The following SNX29 variants were observed in gnomAD, a reference collection of about 807,000 sequenced individuals.
The protein encoded by SNX29 is sorting nexin-29.
A neutral mutation model predicts 102.1 loss-of-function variants in SNX29; 78 were observed. The ratio of observed to expected loss-of-function variants is 0.76; its 90% CI spans 0.64 to 0.92. The LOEUF is 0.92. Among genes scored for constraint, SNX29 ranks in the 40% least tolerant of loss-of-function variants. The pLI is 0.00. For missense variants in SNX29, 1,280 were observed against 1,061.7 expected, an observed-to-expected ratio of 1.21 and a Z score of -2.86; for synonymous variants, 580 against 414.5, an observed-to-expected ratio of 1.40 and a Z score of -4.85.
At chr16:12,180,323 C>G (rs1246302744) in intron 13 of SNX29, among the ~76,000 whole-genome samples, 5 of 152,044 alleles carry the variant, frequency 3.3e-5, no homozygotes, top group African/African-American at 1.2e-4. Flanking sequence ...GTACGTTGTT[C>G]TTTTATGTCA....
intron 13 of SNX29, among the ~76,000 whole-genome samples, chr16:12,181,541 C>G (rs1162770486): frequency 6.6e-6 from 1 of 152,186 alleles, no homozygotes; most frequent in East Asian, 1.9e-4. Flanking sequence ...CAGGTTTGCC[C>G]TAAGCAGTTC....
At chr16:12,293,853 A>G (rs1021474428) in intron 15 of SNX29, among the ~76,000 whole-genome samples, 5 of 152,196 alleles carry the variant, frequency 3.3e-5, no homozygotes, top group African/African-American at 9.6e-5. Flanking sequence ...GCTTGCATTC[A>G]TTCAGTGCTT....
At chr16:12,223,202 C>G (rs2077523397) in intron 14 of SNX29, among the ~76,000 whole-genome samples, 1 of 152,132 alleles carries the variant, frequency 6.6e-6, no homozygotes, top group Non-Finnish European at 1.5e-5. Context: ...CTCCCTGGGC[C>G]TCAGTTTACT....
chr16:12,346,733 C>G (rs913352349), intron 15 of SNX29, among the ~76,000 whole-genome samples: 4 of 152,188 alleles, frequency 2.6e-5, no homozygotes, highest in African/African-American at 7.2e-5. Flanking sequence ...TCACCAACCA[C>G]CAGGAAGGTG....
intron 18 of SNX29, among the ~76,000 whole-genome samples, chr16:12,469,696 T>C (rs2087242610): frequency 6.6e-6 from 1 of 152,164 alleles, no homozygotes; most frequent in African/African-American, 2.4e-5. Context: ...TTGCTCCAGG[T>C]TTGTTTTAAG....
intron 20 of SNX29, among the ~76,000 whole-genome samples, chr16:12,525,353 G>A (rs2076750718): frequency 6.6e-6 from 1 of 151,834 alleles, no homozygotes; most frequent in Non-Finnish European, 1.5e-5. Context: ...AATTAAAAGA[G>A]TTTACATATT....
chr16:12,194,622 G>GTTT (rs34250906), intron 13 of SNX29, among the ~76,000 whole-genome samples: 1 of 129,160 alleles, frequency 7.7e-6, no homozygotes. Flanking sequence ...GGGGTGGGTA[G>GTTT]TTTTTTTTTT....
Position 12,541,647 on chromosome 16 carries a change from C to T in SNX29, c.2318+16806C>T, listed in dbSNP as rs543754421. Among the ~76,000 whole-genome samples the T allele has an allele frequency of 1.3e-4, 20 of 152,294 alleles. No individual in the cohort carries two copies. The South Asian group carries it at 4.1e-3, about 32-fold the overall frequency. The stretch of plus-strand genomic sequence containing the variant: ...CGGGGTCCATCGCATCTTCGTTCAG[C>T]CAGCTCCTAATGCAGCCGTGCTGAC... On this transcript the variant is annotated intron_variant, in intron 20 of 20. Transcript: ENST00000566228.
At chr16:12,131,755 A>G (rs932943026) in intron 13 of SNX29, among the ~76,000 whole-genome samples, 1 of 152,200 alleles carries the variant, frequency 6.6e-6, no homozygotes, top group South Asian at 2.1e-4. Context: ...TAGCAGCAGC[A>G]TTTACCTCTC....
At chr16:12,161,970 C>A (rs1015771497) in intron 13 of SNX29, among the ~76,000 whole-genome samples, 1 of 152,176 alleles carries the variant, frequency 6.6e-6, no homozygotes, top group Non-Finnish European at 1.5e-5. Flanking sequence ...TGGACTAATA[C>A]AGTCTTTCCA....
intron 11 of SNX29, among the ~76,000 whole-genome samples, chr16:12,123,953 C>T (rs1299392776): frequency 1.3e-5 from 2 of 152,134 alleles, no homozygotes; most frequent in African/African-American, 2.4e-5. Context: ...GTTGGTGATA[C>T]CAGCAACCTT....
At chr16:12,148,010 G>A (rs78415362) in intron 13 of SNX29, among the ~76,000 whole-genome samples, 17 of 152,200 alleles carry the variant, frequency 1.1e-4, no homozygotes, top group Non-Finnish European at 2.4e-4. Context: ...GAGCAAACCA[G>A]AGTTCGCTGA....
chr16:12,571,760 A>C lies in SNX29; in HGVS notation c.*3131A>C, dbSNP rs771816729. ...AACCTAGCCCAACCATCCACTCCTG[A>C]TCTGAGACAGAACCTTCTCCGCCAC... is the stretch of plus-strand genomic sequence containing the variant. On this transcript the variant is annotated 3_prime_UTR_variant, in exon 21 of 21. Transcript: ENST00000566228. The C allele has an allele frequency of 4.9e-6, 5 of 1,013,788 alleles. No individual in the cohort carries two copies. Among genetic ancestry groups the C allele is most frequent in the Non-Finnish European group, 6.0e-6 (5 of 833,434 alleles). 62.8% of individuals were successfully genotyped at this position (1,013,788 alleles called of 1,614,324 possible).
At chr16:12,527,125 T>C (rs1597746663) in intron 20 of SNX29, 1 of 483,234 alleles carries the variant, frequency 2.1e-6, no homozygotes, top group Non-Finnish European at 4.0e-6. Flanking sequence ...CTTTCCTCAC[T>C]GTTCCAAATC....
intron 19 of SNX29, among the ~76,000 whole-genome samples, chr16:12,481,314 C>T (rs1269265324): frequency 6.6e-6 from 1 of 152,012 alleles, no homozygotes; most frequent in Non-Finnish European, 1.5e-5. Context: ...CTCCATTTCT[C>T]GCCTGTGCAG....
Position 12,555,344 on chromosome 16 carries a change from ATGTT to A in SNX29, c.2319-13161_2319-13158del, listed in dbSNP as rs1285241280. Among the ~76,000 whole-genome samples, 17 of 151,982 alleles carry A rather than the reference ATGTT, an allele frequency of 1.1e-4. No individual in the cohort carries two copies. In the East Asian group the frequency reaches 3.3e-3, roughly 30 times the overall value. ...CAGTGTTTCTTGGCACCTGAGAAACATGTTGGTTAACTTTTCTCCCATGAGGCGC... is the reference window on the plus strand; with the variant it reads ...CAGTGTTTCTTGGCACCTGAGAAACAGGTTAACTTTTCTCCCATGAGGCGC... On this transcript the variant is annotated intron_variant, in intron 20 of 20. Coordinates refer to ENST00000566228, the MANE Select transcript of SNX29 (RefSeq NM_032167.5).
chr16:12,051,836 T>C lies in SNX29; in HGVS notation c.749-11T>C, dbSNP rs1360156779. On this transcript the variant is annotated splice_polypyrimidine_tract_variant and intron_variant, in intron 7 of 20. Coordinates refer to ENST00000566228, the MANE Select transcript of SNX29 (RefSeq NM_032167.5). Reference sequence around the variant, plus strand: ...TTTCTTATACTGTATCTTTTTTTTTTTTTTTGCCAGATGCCAAATGCAAAA... The same window carrying C: ...TTTCTTATACTGTATCTTTTTTTTTCTTTTTGCCAGATGCCAAATGCAAAA... 8.1e-6 allele frequency: 13 copies of C among 1,595,830 alleles called. 1 individual carries two copies. The highest frequency in any genetic ancestry group is 1.0e-5 in the Non-Finnish European group (12 of 1,175,310).
intron 16 of SNX29, among the ~76,000 whole-genome samples, chr16:12,390,132 C>T (rs946833730): frequency 2.0e-5 from 3 of 149,798 alleles, no homozygotes; most frequent in Admixed American, 6.7e-5. Flanking sequence ...CATGTTACCC[C>T]GTGCGTGCAA....
chr16:12,444,797 C>G (rs1014049916), intron 18 of SNX29, among the ~76,000 whole-genome samples: 4 of 151,800 alleles, frequency 2.6e-5, no homozygotes, highest in Non-Finnish European at 5.9e-5. Context: ...GGTGAGCAAA[C>G]TGTGGCTTGT....
Sources: allele counts gnomAD v4.1 joint callset (sites outside exome capture counted in the v4.1 genomes callset), GRCh38; gene constraint gnomAD v4.1.1; transcripts MANE v1.5; gene names NCBI Gene and HGNC (gene_info 2026-07-23, HGNC 2026-07-21).